The following BTBD9 variants were observed in gnomAD, a reference collection of about 807,000 sequenced individuals.
BTBD9 encodes the protein BTB/POZ domain-containing protein 9.
In BTBD9, 49 loss-of-function variants were observed where a neutral mutation model predicts 64.3. The observed-to-expected ratio is 0.76, with a 90% CI of 0.61 to 0.97. BTBD9 has a LOEUF of 0.97. Ranked by LOEUF, BTBD9 falls within the 50% of genes least tolerant of loss-of-function variation. The probability of loss-of-function intolerance (pLI) is 0.00; values close to 1 mark genes in which losing one functional copy is unlikely to be tolerated. For missense variants in BTBD9, 598 were observed against 762.1 expected (o/e 0.78, Z 2.53); for synonymous variants, 260 against 274.7 (o/e 0.95, Z 0.53).
chr6:38,180,848 T>A (rs1761522657), intron 10 of BTBD9, among the ~76,000 whole-genome samples: 1 of 152,258 alleles, frequency 6.6e-6, no homozygotes, highest in Non-Finnish European at 1.5e-5. Flanking sequence ...CCGGCTAATT[T>A]GGAATGTGGT....
intron 6 of BTBD9, among the ~76,000 whole-genome samples, chr6:38,479,838 G>C (rs1217060907): frequency 6.6e-6 from 1 of 151,990 alleles, no homozygotes; most frequent in Non-Finnish European, 1.5e-5. Context: ...AAGCAATCCC[G>C]CTGCCTCAGC....
rs1487424056 is a variant in BTBD9, at chr6:38,546,003, G to A, written c.1154+31597C>T. On this transcript the variant is annotated intron_variant, in intron 6 of 10. Transcript: ENST00000481247. ...AATCTAACAGAGAAGGTGATGGCTTGCATCAGGTAGTAGCTAGTGGATATG... is the reference window on the plus strand; with the variant it reads ...AATCTAACAGAGAAGGTGATGGCTTACATCAGGTAGTAGCTAGTGGATATG... 2.6e-5 allele frequency among the ~76,000 whole-genome samples: 4 copies of A among 152,036 alleles called. No individual in the cohort carries two copies. In the East Asian group the frequency reaches 7.7e-4, roughly 29 times the overall value.
At chr6:38,397,608 C>T (rs9380744) in intron 6 of BTBD9, among the ~76,000 whole-genome samples, 8,740 of 152,202 alleles carry the variant, frequency 0.057, 725 homozygotes, top group East Asian at 0.34. Flanking sequence ...TATTTGCAAG[C>T]ACAGGAGAGA....
At chr6:38,568,069 A>G (rs1238755747) in intron 6 of BTBD9, among the ~76,000 whole-genome samples, 2 of 152,222 alleles carry the variant, frequency 1.3e-5, no homozygotes, top group Admixed American at 6.5e-5. Context: ...AAAGTATACA[A>G]GATATATAAT....
intron 7 of BTBD9, among the ~76,000 whole-genome samples, chr6:38,335,683 A>G (rs556064558): frequency 2.0e-5 from 3 of 152,184 alleles, no homozygotes; most frequent in South Asian, 4.2e-4. Flanking sequence ...CTCCTGCCTC[A>G]GCCTCCCGAG....
At chr6:38,298,855 CTT>C (rs113386216) in intron 7 of BTBD9, among the ~76,000 whole-genome samples, 18 of 146,136 alleles carry the variant, frequency 1.2e-4, no homozygotes, top group South Asian at 2.2e-4. Context: ...GTATTTCATT[CTT>C]TTTTTTTTTT....
chr6:38,314,180 A>G (rs1762951457), intron 7 of BTBD9, among the ~76,000 whole-genome samples: 1 of 151,350 alleles, frequency 6.6e-6, no homozygotes, highest in Non-Finnish European at 1.5e-5. Context: ...TTGACCTGTA[A>G]TTTTATTTTA....
At chr6:38,501,167 T>G (rs1772177339) in intron 6 of BTBD9, among the ~76,000 whole-genome samples, 1 of 152,164 alleles carries the variant, frequency 6.6e-6, no homozygotes, top group South Asian at 2.1e-4. Context: ...GCCTTCACAT[T>G]GAAGAAGACA....
chr6:38,360,846 T>C (rs1251366802), intron 6 of BTBD9, among the ~76,000 whole-genome samples: 1 of 152,138 alleles, frequency 6.6e-6, no homozygotes, highest in Non-Finnish European at 1.5e-5. Context: ...AGGGAGACTG[T>C]AGAGTCAAAA....
chr6:38,473,555 G>A (rs1383289224), intron 6 of BTBD9, among the ~76,000 whole-genome samples: 3 of 151,996 alleles, frequency 2.0e-5, no homozygotes, highest in Admixed American at 6.5e-5. Flanking sequence ...TGCTCTTATC[G>A]GTAGAACCAA....
intron 6 of BTBD9, among the ~76,000 whole-genome samples, chr6:38,387,652 GAC>G (rs1766235754): frequency 6.6e-6 from 1 of 152,150 alleles, no homozygotes; most frequent in African/African-American, 2.4e-5. Context: ...TAGTCAGTAT[GAC>G]AGACACTGTG....
At chr6:38,410,655 G>T (rs1158540485) in intron 6 of BTBD9, among the ~76,000 whole-genome samples, 2 of 152,072 alleles carry the variant, frequency 1.3e-5, no homozygotes, top group Non-Finnish European at 2.9e-5. Flanking sequence ...TAACACCTAT[G>T]AATTAAACAT....
chr6:38,570,871 C>T (rs1386002733), intron 6 of BTBD9, among the ~76,000 whole-genome samples: 1 of 152,130 alleles, frequency 6.6e-6, no homozygotes, highest in Non-Finnish European at 1.5e-5. Flanking sequence ...AAATCACAGA[C>T]TTTCAGAACA....
chr6:38,259,664 C>T (rs1302712529), intron 8 of BTBD9, among the ~76,000 whole-genome samples: 2 of 152,202 alleles, frequency 1.3e-5, no homozygotes, highest in East Asian at 1.9e-4. Flanking sequence ...GCTACCCTCT[C>T]GCCTGGCCTC....
chr6:38,338,346 T>A (rs1420601510), intron 7 of BTBD9, among the ~76,000 whole-genome samples: 1 of 152,192 alleles, frequency 6.6e-6, no homozygotes, highest in African/African-American at 2.4e-5. Context: ...ATTGTTTATA[T>A]CTGGGATTTT....
chr6:38,535,455 A>AT (rs1773983098), intron 6 of BTBD9, among the ~76,000 whole-genome samples: 2 of 152,118 alleles, frequency 1.3e-5, no homozygotes, highest in Non-Finnish European at 2.9e-5. Flanking sequence ...GATTCAATGC[A>AT]ATCATAATCA....
intron 9 of BTBD9, among the ~76,000 whole-genome samples, chr6:38,193,584 CTGCTCTTGGTTGAA>C (rs1467115621): frequency 6.6e-6 from 1 of 152,190 alleles, no homozygotes; most frequent in African/African-American, 2.4e-5. Context: ...AGGAGGAGTT[CTGCTCTTGGTTGAA>C]CGCTCAGCAG....
At chr6:38,368,319 C>A (rs1295965831) in intron 6 of BTBD9, among the ~76,000 whole-genome samples, 1 of 152,128 alleles carries the variant, frequency 6.6e-6, no homozygotes, top group African/African-American at 2.4e-5. Context: ...ATGCGCTATA[C>A]TAGAGCTCCT....
At chr6:38,448,182 G>A (rs936234344) in intron 6 of BTBD9, among the ~76,000 whole-genome samples, 5 of 150,920 alleles carry the variant, frequency 3.3e-5, no homozygotes, top group Admixed American at 6.6e-5. Flanking sequence ...CTCCACAATA[G>A]TGTATCACTT....
Sources: gnomAD v4.1 joint callset for allele counts (sites outside exome capture counted in the v4.1 genomes callset) on GRCh38, gnomAD v4.1.1 for gene constraint, MANE v1.5 for transcripts, NCBI Gene and HGNC (gene_info 2026-07-23, HGNC 2026-07-21) for gene names.